The following WWC2 variants were observed in gnomAD, a reference collection of about 807,000 sequenced individuals.
The protein encoded by WWC2 is protein WWC2.
WWC2 carries 101 observed loss-of-function variants against 138.5 expected under a neutral mutation model. That is an observed-to-expected ratio of 0.73 (90% CI 0.62 to 0.86). The LOEUF (loss-of-function observed/expected upper bound fraction) is 0.86, where lower values mean the gene tolerates loss of function less well. Among genes scored for constraint, WWC2 ranks in the 40% least tolerant of loss-of-function variants. WWC2 has a pLI of 0.00. For missense variants in WWC2, 1,420 were observed against 1,419.4 expected (o/e 1.00, Z -0.01); for synonymous variants, 558 against 538.4 (o/e 1.04, Z -0.50).
At chr4:183,158,176 T>C (rs1030039773) in intron 1 of WWC2, among the ~76,000 whole-genome samples, 2 of 152,178 alleles carry the variant, frequency 1.3e-5, no homozygotes, top group Non-Finnish European at 1.5e-5. Context: ...ACTTGAGATA[T>C]ACAGTCAGTT....
At chr4:183,265,624 A>G (rs1737475403) in intron 12 of WWC2, 64 bp from the exon 13 acceptor site, 3 of 1,494,238 alleles carry the variant, frequency 2.0e-6, no homozygotes, top group African/African-American at 1.4e-5. Flanking sequence ...TAAGTGGCAA[A>G]CTGTTAACCA....
At chr4:183,168,180 T>TTC (rs1236550259) in intron 1 of WWC2, among the ~76,000 whole-genome samples, 13 of 131,234 alleles carry the variant, frequency 9.9e-5, no homozygotes, top group East Asian at 2.3e-4. Flanking sequence ...TTTTCTTTCT[T>TTC]TTTTTTTTTT....
intron 1 of WWC2, among the ~76,000 whole-genome samples, chr4:183,162,405 A>T (rs921037012): frequency 2.6e-5 from 4 of 152,218 alleles, no homozygotes; most frequent in African/African-American, 4.8e-5. Context: ...CTTGCAAGGT[A>T]ATTTTTATGG....
In WWC2 at chr4:183,296,917, G is replaced by C. The variant is rs570016976; in HGVS notation, c.3384+7282G>C. On this transcript the variant is annotated intron_variant, in intron 21 of 22. Coordinates refer to ENST00000403733, the MANE Select transcript of WWC2 (RefSeq NM_024949.6). ...CCACTGCACTCCAGCCTGGGCAACA[G>C]AGCGAGACTCCGTCTCAAAAAAAAA... Among the ~76,000 whole-genome samples the C allele has an allele frequency of 8.2e-5, 10 of 121,468 alleles. No homozygotes were observed. In the East Asian group the frequency reaches 2.2e-3, roughly 26 times the overall value. 79.7% of individuals were successfully genotyped at this position (121,468 alleles called of 152,430 possible).
intron 1 of WWC2, among the ~76,000 whole-genome samples, chr4:183,160,208 A>G (rs1419234943): frequency 6.6e-6 from 1 of 152,220 alleles, no homozygotes; most frequent in Non-Finnish European, 1.5e-5. Flanking sequence ...GTCACTGTTA[A>G]TCTGTTATTC....
In WWC2 at chr4:183,287,439, T is replaced by C. The variant is rs560219614; in HGVS notation, c.3141+1380T>C. On this transcript the variant is annotated intron_variant, in intron 20 of 22. Coordinates refer to ENST00000403733, the MANE Select transcript of WWC2 (RefSeq NM_024949.6). ...ATACTCTCAGGGGATAGTTTCACTC[T>C]TCAGATAAATATTAACCAAAAGTGT... 4.6e-5 allele frequency among the ~76,000 whole-genome samples: 7 copies of C among 152,330 alleles called. No homozygotes were observed. The East Asian group carries it at 1.4e-3, about 29-fold the overall frequency.
At chr4:183,232,857 A>G (rs1736292907) in intron 4 of WWC2, among the ~76,000 whole-genome samples, 1 of 152,098 alleles carries the variant, frequency 6.6e-6, no homozygotes, top group South Asian at 2.1e-4. Flanking sequence ...TATGTTGGTC[A>G]GGCTGGTCTC....
intron 6 of WWC2, among the ~76,000 whole-genome samples, chr4:183,246,785 GACTTT>G (rs1736794484): frequency 6.6e-6 from 1 of 152,092 alleles, no homozygotes; most frequent in Admixed American, 6.5e-5. Context: ...ACACATGCAA[GACTTT>G]ACTTGTGTGT....
At chr4:183,233,516 G>A (rs1046577237) in intron 4 of WWC2, 1 of 151,840 alleles carries the variant, frequency 6.6e-6, no homozygotes, top group South Asian at 2.1e-4. Context: ...ATATTTATCT[G>A]TTATTTGTAT....
At chr4:183,228,164 C>T (rs1736127461) in intron 4 of WWC2, among the ~76,000 whole-genome samples, 1 of 151,894 alleles carries the variant, frequency 6.6e-6, no homozygotes, top group Non-Finnish European at 1.5e-5. Context: ...CTGGTATACA[C>T]AAATAAATAA....
chr4:183,167,859 AT>A (rs11389702), intron 1 of WWC2, among the ~76,000 whole-genome samples: 102 of 141,490 alleles, frequency 7.2e-4, no homozygotes, highest in African/African-American at 2.2e-3. Context: ...GAAGTTTGTG[AT>A]TTTTTTTTTT....
intron 6 of WWC2, among the ~76,000 whole-genome samples, chr4:183,246,791 AC>A (rs1338764321): frequency 6.6e-6 from 1 of 152,204 alleles, no homozygotes; most frequent in African/African-American, 2.4e-5. Flanking sequence ...GCAAGACTTT[AC>A]TTGTGTGTAT....
chr4:183,261,481 G>A lies in WWC2; in HGVS notation c.1858G>A (p.Asp620Asn). The A allele has an allele frequency of 6.2e-7, 1 of 1,612,898 alleles. No homozygotes were observed. The highest frequency in any genetic ancestry group is 2.2e-5 in the East Asian group (1 of 44,866). The change falls in exon 11 of 23, where the codon GAT becomes AAT. Residue 620 changes from aspartate (D) to asparagine (N), a missense_variant. By Grantham distance (23) the Asp-to-Asn change is conservative. Coordinates refer to ENST00000403733, the MANE Select transcript of WWC2 (RefSeq NM_024949.6). ...AGGAGCCTCCCAGTCTCTTTCAGAG[G>A]ATAAAGACCTTAATGAATGTGCTAG... The part of the protein sequence containing the change: ...SGGASQSLSE[D>N]KDLNECAREP...
In WWC2 at chr4:183,193,976, G is replaced by C. The variant is rs1203673018; in HGVS notation, c.241+268G>C. 2.0e-5 allele frequency among the ~76,000 whole-genome samples: 3 copies of C among 152,198 alleles called. No individual in the cohort carries two copies. In the East Asian group the frequency reaches 5.8e-4, roughly 29 times the overall value. ...GGAATGAGGATTCTCCTTCAGCACA[G>C]GTCTGGGAACCTGTGGGGATCAGAG... is the stretch of plus-strand genomic sequence containing the variant. On this transcript the variant is annotated intron_variant, in intron 2 of 22. Coordinates refer to ENST00000403733, the MANE Select transcript of WWC2 (RefSeq NM_024949.6).
intron 1 of WWC2, among the ~76,000 whole-genome samples, chr4:183,103,680 C>T (rs2152885860): frequency 6.8e-6 from 1 of 147,824 alleles, no homozygotes; most frequent in Non-Finnish European, 1.5e-5. Context: ...GCTGTGTCGC[C>T]AGACTGGAGT....
intron 1 of WWC2, among the ~76,000 whole-genome samples, chr4:183,107,249 C>T (rs1222323771): frequency 2.0e-5 from 3 of 152,022 alleles, no homozygotes; most frequent in Non-Finnish European, 4.4e-5. Flanking sequence ...TCCACCTCCA[C>T]CTCCAGGGTT....
intron 4 of WWC2, among the ~76,000 whole-genome samples, chr4:183,220,595 G>A (rs1235500088): frequency 1.3e-5 from 2 of 151,734 alleles, no homozygotes; most frequent in African/African-American, 4.8e-5. Flanking sequence ...AGCACTTTGG[G>A]AGGTCAAGGT....
intron 1 of WWC2, among the ~76,000 whole-genome samples, chr4:183,187,237 C>T (rs1285760751): frequency 6.6e-6 from 1 of 152,052 alleles, no homozygotes; most frequent in Non-Finnish European, 1.5e-5. Context: ...GGATGTGTCA[C>T]ATACAGAATT....
chr4:183,256,283 A>G (rs1396762398), intron 9 of WWC2, among the ~76,000 whole-genome samples: 4 of 152,212 alleles, frequency 2.6e-5, no homozygotes, highest in Non-Finnish European at 5.9e-5. Context: ...TCTAACTCCT[A>G]TCCTGGGATG....
Sources: gnomAD v4.1 joint callset for allele counts (sites outside exome capture counted in the v4.1 genomes callset) on GRCh38, gnomAD v4.1.1 for gene constraint, MANE v1.5 for transcripts, NCBI Gene and HGNC (gene_info 2026-07-23, HGNC 2026-07-21) for gene names.